CCDC91: variants seen among roughly 807,000 people sequenced by gnomAD.
CCDC91 encodes the protein coiled-coil domain containing 91.
In CCDC91, 48 loss-of-function variants were observed where a neutral mutation model predicts 63.2. That is an observed-to-expected ratio of 0.76 (90% CI 0.60 to 0.97). The LOEUF (loss-of-function observed/expected upper bound fraction) is 0.97, where lower values mean the gene tolerates loss of function less well. Among genes scored for constraint, CCDC91 ranks in the 50% least tolerant of loss-of-function variants. CCDC91 has a pLI of 0.00. For synonymous variants in CCDC91, 167 were observed against 165.8 expected (o/e 1.01, Z -0.06); for missense variants, 500 against 494.6 (o/e 1.01, Z -0.10).
chr12:28,542,524 C>T (rs1277031415), intron 12 of CCDC91, among the ~76,000 whole-genome samples: 3 of 151,998 alleles, frequency 2.0e-5, no homozygotes, highest in Non-Finnish European at 2.9e-5. Flanking sequence ...TCATGGAATG[C>T]GAATGATGGC....
At chr12:28,305,610 A>T in intron 3 of CCDC91, 39 bp from the exon 4 acceptor site, 1 of 1,556,392 alleles carries the variant, frequency 6.4e-7, no homozygotes, top group Non-Finnish European at 8.7e-7. Flanking sequence ...TTTTCTCTTT[A>T]ATAATCCTAT....
chr12:28,411,281 G>A (rs1186385345), intron 8 of CCDC91, among the ~76,000 whole-genome samples: 1 of 151,676 alleles, frequency 6.6e-6, no homozygotes, highest in African/African-American at 2.4e-5. Flanking sequence ...CTTACCATTA[G>A]CATTTAGCAG....
At chr12:28,484,812 T>TA (rs1951632879) in intron 12 of CCDC91, among the ~76,000 whole-genome samples, 1 of 151,336 alleles carries the variant, frequency 6.6e-6, no homozygotes, top group East Asian at 1.9e-4. Context: ...TCTTTAAGAT[T>TA]AGATGTTTAC....
chr12:28,452,882 CTT>C (rs1462760861), intron 11 of CCDC91, among the ~76,000 whole-genome samples: 1 of 151,594 alleles, frequency 6.6e-6, no homozygotes, highest in Non-Finnish European at 1.5e-5. Context: ...CCATTTTACC[CTT>C]TTACTTTATT....
intron 12 of CCDC91, among the ~76,000 whole-genome samples, chr12:28,493,802 C>T (rs2141026957): frequency 6.6e-6 from 1 of 151,696 alleles, no homozygotes; most frequent in South Asian, 2.1e-4. Flanking sequence ...AAGAGGATGA[C>T]CTGAAATATT....
chr12:28,256,172 A>G (rs1946427337), intron 1 of CCDC91: 1 of 152,096 alleles, frequency 6.6e-6, no homozygotes, highest in African/African-American at 2.4e-5. Context: ...TATTACAAAG[A>G]CAAACTCCTG....
At chr12:28,347,762 A>G (rs1287377267) in intron 6 of CCDC91, among the ~76,000 whole-genome samples, 1 of 151,844 alleles carries the variant, frequency 6.6e-6, no homozygotes, top group African/African-American at 2.4e-5. Flanking sequence ...CAGGTAGGGG[A>G]AAAAAAGATA....
chr12:28,201,829 C>A (rs1313049002), intron 1 of CCDC91, among the ~76,000 whole-genome samples: 1 of 144,664 alleles, frequency 6.9e-6, no homozygotes, highest in African/African-American at 2.5e-5. Flanking sequence ...AGCTGGAGAC[C>A]AGCCCGGCCA....
chr12:28,246,459 A>G (rs1264766749), intron 1 of CCDC91, among the ~76,000 whole-genome samples: 1 of 151,908 alleles, frequency 6.6e-6, no homozygotes, highest in Non-Finnish European at 1.5e-5. Context: ...TACAGGACCT[A>G]TTTTTACTTT....
chr12:28,411,282 C>T (rs990031851), intron 8 of CCDC91, among the ~76,000 whole-genome samples: 3 of 151,942 alleles, frequency 2.0e-5, no homozygotes, highest in African/African-American at 7.2e-5. Context: ...TTACCATTAG[C>T]ATTTAGCAGT....
chr12:28,457,228 T>G (rs1950096498), intron 11 of CCDC91, among the ~76,000 whole-genome samples: 1 of 151,912 alleles, frequency 6.6e-6, no homozygotes, highest in Non-Finnish European at 1.5e-5. Context: ...GTCTTTTAGG[T>G]GTTTGGCAGC....
intron 6 of CCDC91, among the ~76,000 whole-genome samples, chr12:28,358,530 C>T (rs770511674): frequency 1.2e-4 from 19 of 152,312 alleles, no homozygotes; most frequent in African/African-American, 2.2e-4. Flanking sequence ...TAAAATTTCA[C>T]GCTCTCAAAT....
rs370770473 is a variant in CCDC91, at chr12:28,498,237, A to G, written c.1215+14072A>G. ...CACATCAGTAGAGAGGTTATTGAAA[A>G]TAGCATACATATTCAAAAATGAAAG... is the stretch of plus-strand genomic sequence containing the variant. On this transcript the variant is annotated intron_variant, in intron 12 of 12. Coordinates refer to ENST00000536442, the MANE Select transcript of CCDC91 (RefSeq NM_018318.5). 3.3e-5 allele frequency among the ~76,000 whole-genome samples: 5 copies of G among 151,624 alleles called. No individual in the cohort carries two copies. In the East Asian group the frequency reaches 9.7e-4, roughly 29 times the overall value.
chr12:28,539,464 A>C (rs1305813541), intron 12 of CCDC91, among the ~76,000 whole-genome samples: 1 of 152,088 alleles, frequency 6.6e-6, no homozygotes, highest in Non-Finnish European at 1.5e-5. Flanking sequence ...CCATTGGTCT[A>C]TATCTCTGTT....
intron 12 of CCDC91, among the ~76,000 whole-genome samples, chr12:28,502,698 A>T (rs368667965): frequency 7.3e-6 from 1 of 137,796 alleles, no homozygotes; most frequent in African/African-American, 2.6e-5. Context: ...CAAGGCTACA[A>T]TAACCAAAAC....
intron 10 of CCDC91, among the ~76,000 whole-genome samples, chr12:28,450,843 A>T (rs557276650): frequency 9.2e-5 from 14 of 151,858 alleles, no homozygotes; most frequent in African/African-American, 2.4e-4. Flanking sequence ...CTTACTTTTG[A>T]GTTTTAGATT....
intron 6 of CCDC91, among the ~76,000 whole-genome samples, chr12:28,332,098 A>G (rs529060051): frequency 6.6e-6 from 1 of 152,256 alleles, no homozygotes; most frequent in African/African-American, 2.4e-5. Flanking sequence ...TTTATCCTTC[A>G]TTCAGAAAGG....
intron 11 of CCDC91, among the ~76,000 whole-genome samples, chr12:28,456,571 CAA>C (rs1221067679): frequency 6.6e-6 from 1 of 151,984 alleles, no homozygotes; most frequent in African/African-American, 2.4e-5. Context: ...TTATATTTGA[CAA>C]AACATATCAA....
chr12:28,402,859 G>A (rs1592566178), intron 8 of CCDC91, among the ~76,000 whole-genome samples: 1 of 152,104 alleles, frequency 6.6e-6, no homozygotes, highest in Non-Finnish European at 1.5e-5. Context: ...TCATGAACGT[G>A]TGTTGGATTT....
Sources: allele counts gnomAD v4.1 joint callset (sites outside exome capture counted in the v4.1 genomes callset), GRCh38; gene constraint gnomAD v4.1.1; transcripts MANE v1.5; gene names NCBI Gene and HGNC (gene_info 2026-07-23, HGNC 2026-07-21).